Variants in LRRC9 observed in about 807,000 individuals in gnomAD.
The protein encoded by LRRC9 is leucine rich repeat containing 9.
A neutral mutation model predicts 63.2 loss-of-function variants in LRRC9; 122 were observed. The ratio of observed to expected loss-of-function variants is 1.93; its 90% CI spans 1.67 to 2.24. The LOEUF (loss-of-function observed/expected upper bound fraction) is 2.24. Ranked by LOEUF, LRRC9 falls within the 30% of genes most tolerant of loss-of-function variation. The probability of loss-of-function intolerance (pLI) is 0.00; values close to 1 mark genes in which losing one functional copy is unlikely to be tolerated. For synonymous variants in LRRC9, 366 were observed against 213.1 expected, an observed-to-expected ratio of 1.72 and a Z score of -6.25; for missense variants, 1,071 against 627.7, an observed-to-expected ratio of 1.71 and a Z score of -7.55.
chr14:60,043,756 C>CTTTTTTTTTTTTTTTTTTTTTTTTT (rs368065898), intron 29 of LRRC9, among the ~76,000 whole-genome samples: 6 of 71,552 alleles, frequency 8.4e-5, no homozygotes, highest in Admixed American at 1.4e-4. Flanking sequence ...TTTTCTTTTC[C>CTTTTTTTTTTTTTTTTTTTTTTTTT]TTTTTTTTTT....
chr14:60,038,250 CTCT>C (rs967911885), intron 29 of LRRC9, among the ~76,000 whole-genome samples: 21 of 152,156 alleles, frequency 1.4e-4, no homozygotes, highest in Non-Finnish European at 2.2e-4. Context: ...GCAATGCGGG[CTCT>C]TTTTTGGTTC....
At chr14:59,939,748 T>C (rs1176636669) in intron 7 of LRRC9, among the ~76,000 whole-genome samples, 2 of 151,778 alleles carry the variant, frequency 1.3e-5, no homozygotes, top group East Asian at 3.9e-4. Flanking sequence ...AGGAAGAGTA[T>C]GGGAGGTGTA....
intron 12 of LRRC9, among the ~76,000 whole-genome samples, chr14:59,973,896 T>C (rs1217773986): frequency 2.0e-5 from 3 of 152,138 alleles, no homozygotes; most frequent in African/African-American, 7.2e-5. Flanking sequence ...ACCTTTGAGA[T>C]TGTGACAAGG....
At chr14:60,041,773 C>T (rs1307570476) in intron 29 of LRRC9, among the ~76,000 whole-genome samples, 3 of 152,212 alleles carry the variant, frequency 2.0e-5, no homozygotes, top group East Asian at 1.9e-4. Flanking sequence ...CTCCATCCAG[C>T]TTTGTTCTGT....
exon 16 of LRRC9, chr14:59,981,960 T>C (rs1490710788): frequency 2.8e-6 from 2 of 702,498 alleles, no homozygotes; most frequent in African/African-American, 1.7e-5. Flanking sequence ...GATGAAGTTA[T>C]AAAAATGGAG....
chr14:59,993,539 C>T (rs1888403472), intron 17 of LRRC9, among the ~76,000 whole-genome samples: 1 of 152,126 alleles, frequency 6.6e-6, no homozygotes, highest in Non-Finnish European at 1.5e-5. Flanking sequence ...AGAATCAAGA[C>T]CCATCAGTGT....
intron 1 of LRRC9, among the ~76,000 whole-genome samples, chr14:59,925,279 A>G (rs189879403): frequency 5.3e-5 from 8 of 152,272 alleles, no homozygotes; most frequent in Admixed American, 5.2e-4. Flanking sequence ...AAACAACAGA[A>G]ATGTATTTCT....
chr14:60,030,822 C>T (rs935006341), intron 28 of LRRC9, among the ~76,000 whole-genome samples: 1 of 151,958 alleles, frequency 6.6e-6, no homozygotes, highest in Non-Finnish European at 1.5e-5. Flanking sequence ...AGTAGCAGCA[C>T]ACTACTGTAA....
Position 59,923,204 on chromosome 14 carries a change from A to G in LRRC9, c.-34+3321A>G, listed in dbSNP as rs775779171. Among the ~76,000 whole-genome samples, 1 of 152,246 alleles carries G rather than the reference A, an allele frequency of 6.6e-6. No homozygotes were observed. Among genetic ancestry groups the G allele is most frequent in the Non-Finnish European group, 1.5e-5 (1 of 68,036 alleles). ...AGACTTGTAAGTACCAGGAAGGCCT[A>G]GCATCCTTGTGATTCAGAAATAGTT... On this transcript the variant is annotated intron_variant, in intron 1 of 31. Transcript: ENST00000445360. The surrounding 1 kb of genome is among the most constrained non-coding windows in gnomAD (Gnocchi z 4.2).
At chr14:60,024,722 A>G (rs1891385882) in intron 27 of LRRC9, among the ~76,000 whole-genome samples, 1 of 152,030 alleles carries the variant, frequency 6.6e-6, no homozygotes. Flanking sequence ...TATGTTTGTT[A>G]ACATGGTATT....
chr14:59,988,453 A>T (rs979488199), intron 17 of LRRC9, among the ~76,000 whole-genome samples: 2 of 152,168 alleles, frequency 1.3e-5, no homozygotes, highest in Admixed American at 1.3e-4. Flanking sequence ...CTTCTCTATT[A>T]CTTACATATA....
chr14:59,969,663 C>T (rs890348373), intron 12 of LRRC9, among the ~76,000 whole-genome samples: 2 of 152,086 alleles, frequency 1.3e-5, no homozygotes, highest in Non-Finnish European at 2.9e-5. Flanking sequence ...AGGTTAAGTC[C>T]ACTTTTCTAG....
intron 13 of LRRC9, 52 bp downstream of exon 13, chr14:59,974,760 C>A: frequency 1.8e-6 from 1 of 568,860 alleles, no homozygotes; most frequent in Non-Finnish European, 3.1e-6. Context: ...TCTTCAAATT[C>A]ATTAATTATT....
At position 59,930,451 on chromosome 14, in the gene LRRC9, AATT is replaced by A. The variant is rs1210868746; in HGVS notation, c.268-461_268-459del. 6.6e-6 allele frequency among the ~76,000 whole-genome samples: 1 copy of A among 151,984 alleles called. No homozygotes were observed. The highest frequency in any genetic ancestry group is 2.4e-5 in the African/African-American group (1 of 41,408). ...CCATACATCAGGTAATTTTTCAGAAAATTATTATAAACTTGAAATATTTCATAA... is the reference window on the plus strand; with the variant it reads ...CCATACATCAGGTAATTTTTCAGAAAATTATAAACTTGAAATATTTCATAA... On this transcript the variant is annotated intron_variant, in intron 3 of 31. Transcript: ENST00000445360. The surrounding 1 kb of genome is among the most constrained non-coding windows in gnomAD (Gnocchi z 4.9).
chr14:59,939,026 CATATATACACAT>C (rs1192240886), intron 7 of LRRC9, among the ~76,000 whole-genome samples: 19 of 138,556 alleles, frequency 1.4e-4, no homozygotes, highest in African/African-American at 4.0e-4. Context: ...TATATATATA[CATATATACACAT>C]ATATACATAT....
exon 25 of LRRC9, chr14:60,018,394 A>G: frequency 2.9e-6 from 2 of 700,470 alleles, no homozygotes; most frequent in South Asian, 1.5e-5. Context: ...ATTCCAGTCG[A>G]CCAATTTAGA....
intron 12 of LRRC9, chr14:59,973,479 G>A (rs1885763554): frequency 1.3e-5 from 2 of 151,972 alleles, no homozygotes; most frequent in Admixed American, 1.3e-4. Context: ...GTATCTCTGG[G>A]GGATTGATTC....
chr14:59,975,153 A>G lies in LRRC9; in HGVS notation c.1639+445A>G, dbSNP rs573325328. Reference sequence around the variant, plus strand: ...TATATATATATACATATATATATGTATATATATATATGTATATATATATAC... The same window carrying G: ...TATATATATATACATATATATATGTGTATATATATATGTATATATATATAC... On this transcript the variant is annotated intron_variant, in intron 13 of 31. Transcript: ENST00000445360. Among the ~76,000 whole-genome samples, 232 of 32,982 alleles carry G rather than the reference A, an allele frequency of 7.0e-3. 27 individuals are homozygous for G. Among genetic ancestry groups the G allele is most frequent in the African/African-American group, 0.015 (219 of 14,842 alleles). The allele number at this position is 32,982 out of a possible 152,430, so 21.6% of individuals were successfully genotyped here. A position where few individuals can be genotyped will look rare whatever the true frequency, so the allele number is the denominator to read the frequency against.
At position 60,027,218 on chromosome 14, in the gene LRRC9, TC is replaced by T. The variant is rs1891627447; in HGVS notation, c.3704-662del. The stretch of plus-strand genomic sequence containing the variant: ...GATTAGAAAAAAGAGATAAAATATT[TC>T]CCCTGTAGTATTTTGAGACTCTAAT... On this transcript the variant is annotated intron_variant, in intron 27 of 31. Transcript: ENST00000445360. This position sits in a 1 kb window ranked among gnomAD's most constrained non-coding sequence, Gnocchi z 4.0. 6.6e-6 allele frequency among the ~76,000 whole-genome samples: 1 copy of T among 151,996 alleles called. No individual in the cohort carries two copies. The highest frequency in any genetic ancestry group is 2.1e-4 in the South Asian group (1 of 4,830).
Sources: gnomAD v4.1 joint callset for allele counts (sites outside exome capture counted in the v4.1 genomes callset) on GRCh38, gnomAD v4.1.1 for gene constraint, Gnocchi (gnomAD v3.1) non-coding constraint, MANE v1.5 for transcripts, NCBI Gene and HGNC (gene_info 2026-07-23, HGNC 2026-07-21) for gene names.